NAALADL2: variants seen among roughly 807,000 people sequenced by gnomAD.
The protein encoded by NAALADL2 is inactive N-acetylated-alpha-linked acidic dipeptidase-like protein 2.
A neutral mutation model predicts 87.2 loss-of-function variants in NAALADL2; 76 were observed. The ratio of observed to expected loss-of-function variants is 0.87; its 90% CI spans 0.72 to 1.05. The LOEUF (loss-of-function observed/expected upper bound fraction) is 1.05, where lower values mean the gene tolerates loss of function less well. Among genes scored for constraint, NAALADL2 ranks in the 50% least tolerant of loss-of-function variants. The pLI is 0.00. For missense variants in NAALADL2, 1,089 were observed against 945.8 expected, an observed-to-expected ratio of 1.15 and a Z score of -1.99; for synonymous variants, 354 against 331.0, an observed-to-expected ratio of 1.07 and a Z score of -0.75.
At chr3:175,661,595 G>A (rs1297636880) in intron 11 of NAALADL2, among the ~76,000 whole-genome samples, 1 of 151,658 alleles carries the variant, frequency 6.6e-6, no homozygotes, top group African/African-American at 2.4e-5. Flanking sequence ...AGTTCCTGTA[G>A]CATTTTCTCA....
rs186112929 is a variant in NAALADL2, at chr3:175,707,631, A to G, written c.1897-29675A>G. On this transcript the variant is annotated intron_variant, in intron 11 of 13. Coordinates refer to ENST00000454872, the MANE Select transcript of NAALADL2 (RefSeq NM_207015.3). ...ATTTTCTTGACTTCCCTGAATCTCAATTTCTTTATATGTACACTGGGGAGA... is the reference window on the plus strand; with the variant it reads ...ATTTTCTTGACTTCCCTGAATCTCAGTTTCTTTATATGTACACTGGGGAGA... Among the ~76,000 whole-genome samples the G allele has an allele frequency of 1.3e-3, 199 of 152,196 alleles. 1 individual carries two copies. Among genetic ancestry groups the G allele is most frequent in the African/African-American group, 4.6e-3 (191 of 41,526 alleles).
intron 2 of NAALADL2, among the ~76,000 whole-genome samples, chr3:175,210,252 A>G (rs73881445): frequency 0.095 from 14,475 of 151,786 alleles, 861 homozygotes; most frequent in East Asian, 0.2. Context: ...GATATATATA[A>G]AATGTTATGG....
chr3:175,160,336 A>G (rs979395650), intron 2 of NAALADL2, among the ~76,000 whole-genome samples: 2 of 122,418 alleles, frequency 1.6e-5, no homozygotes, highest in African/African-American at 5.8e-5. Flanking sequence ...TTAAAAATAT[A>G]TATTATATGT....
At chr3:175,046,925 TC>T (rs1278893108) in intron 1 of NAALADL2, among the ~76,000 whole-genome samples, 2 of 152,160 alleles carry the variant, frequency 1.3e-5, no homozygotes, top group African/African-American at 4.8e-5. Context: ...AATGTATGTT[TC>T]ACAGTTCTGA....
At chr3:174,615,289 G>C (rs776444834) in intron 2 of NAALADL2, among the ~76,000 whole-genome samples, 1 of 152,186 alleles carries the variant, frequency 6.6e-6, no homozygotes, top group Non-Finnish European at 1.5e-5. Context: ...TTTCAGGTTA[G>C]AGAGCCGTCT....
intron 1 of NAALADL2, among the ~76,000 whole-genome samples, chr3:175,050,000 G>T (rs527664561): frequency 5.9e-5 from 9 of 152,076 alleles, no homozygotes; most frequent in South Asian, 2.1e-4. Context: ...CCATGTCTGC[G>T]TGGGTTTTCT....
At chr3:174,700,932 A>G (rs116448116) in intron 2 of NAALADL2, among the ~76,000 whole-genome samples, 411 of 152,222 alleles carry the variant, frequency 2.7e-3, no homozygotes, top group African/African-American at 9.2e-3. Context: ...TGGATAATGG[A>G]GCTTAGCATT....
At chr3:175,614,255 G>C (rs1363098559) in intron 10 of NAALADL2, among the ~76,000 whole-genome samples, 1 of 152,164 alleles carries the variant, frequency 6.6e-6, no homozygotes, top group Non-Finnish European at 1.5e-5. Context: ...GTTTCACCAT[G>C]TTGGCCAGGC....
chr3:174,668,466 A>C (rs1726188364), intron 2 of NAALADL2, among the ~76,000 whole-genome samples: 2 of 152,116 alleles, frequency 1.3e-5, no homozygotes. Context: ...ACATGTGCAC[A>C]ACGTGCAGGT....
At chr3:175,670,014 C>A (rs1003885080) in intron 11 of NAALADL2, among the ~76,000 whole-genome samples, 5 of 151,924 alleles carry the variant, frequency 3.3e-5, no homozygotes, top group African/African-American at 1.2e-4. Flanking sequence ...ATAGCAAACA[C>A]AAATGTAGAG....
intron 3 of NAALADL2, among the ~76,000 whole-genome samples, chr3:174,835,864 A>G (rs1432779130): frequency 6.6e-6 from 1 of 152,224 alleles, no homozygotes; most frequent in Admixed American, 6.5e-5. Context: ...AGTATTGGTT[A>G]AAATGTAGAA....
At chr3:175,177,349 C>G (rs1379264207) in intron 2 of NAALADL2, among the ~76,000 whole-genome samples, 1 of 152,074 alleles carries the variant, frequency 6.6e-6, no homozygotes, top group Non-Finnish European at 1.5e-5. Flanking sequence ...CTTTTCACAC[C>G]TATTCTCTAT....
chr3:174,637,869 T>G (rs1722803199), intron 2 of NAALADL2, among the ~76,000 whole-genome samples: 1 of 152,044 alleles, frequency 6.6e-6, no homozygotes, highest in African/African-American at 2.4e-5. Flanking sequence ...TTTTTTCAAG[T>G]CATGTTTACA....
chr3:175,111,383 T>G (rs893963673), intron 2 of NAALADL2, among the ~76,000 whole-genome samples: 7 of 151,630 alleles, frequency 4.6e-5, no homozygotes, highest in Non-Finnish European at 7.4e-5. Flanking sequence ...TTACACAGAA[T>G]GTTTTTGGGT....
chr3:175,648,841 T>A (rs1473332701), intron 11 of NAALADL2, among the ~76,000 whole-genome samples: 2 of 152,258 alleles, frequency 1.3e-5, no homozygotes, highest in African/African-American at 4.8e-5. Flanking sequence ...TTGCTTTTTC[T>A]ATAAGAAGAA....
At chr3:174,530,383 G>A (rs1287091479) in intron 1 of NAALADL2, among the ~76,000 whole-genome samples, 1 of 151,992 alleles carries the variant, frequency 6.6e-6, no homozygotes, top group Non-Finnish European at 1.5e-5. Context: ...AAGTCTCTAG[G>A]GAGCTCCCAA....
chr3:174,616,049 A>C (rs1360247815), intron 2 of NAALADL2, among the ~76,000 whole-genome samples: 5 of 151,972 alleles, frequency 3.3e-5, no homozygotes, highest in Non-Finnish European at 5.9e-5. Flanking sequence ...TTCCCTGTGA[A>C]TATAAGGGGA....
At chr3:175,523,669 G>A (rs560621981) in intron 9 of NAALADL2, among the ~76,000 whole-genome samples, 1 of 152,308 alleles carries the variant, frequency 6.6e-6, no homozygotes, top group South Asian at 2.1e-4. Flanking sequence ...GAGGCGTGTG[G>A]CCCCTGCTGC....
At chr3:175,470,203 A>T (rs1023956338) in intron 8 of NAALADL2, among the ~76,000 whole-genome samples, 5 of 151,942 alleles carry the variant, frequency 3.3e-5, no homozygotes, top group African/African-American at 1.2e-4. Context: ...TTTTCTATTC[A>T]TCTGTAACAG....
Sources: gnomAD v4.1 joint callset for allele counts (sites outside exome capture counted in the v4.1 genomes callset) on GRCh38, gnomAD v4.1.1 for gene constraint, MANE v1.5 for transcripts, NCBI Gene and HGNC (gene_info 2026-07-23, HGNC 2026-07-21) for gene names.